Variants in AHDC1 observed in about 807,000 individuals in gnomAD.
The protein encoded by AHDC1 is transcription factor Gibbin.
Under a neutral mutation model 87.9 loss-of-function variants are expected in AHDC1, and 7 were observed. The ratio of observed to expected loss-of-function variants is 0.08; its 90% CI spans 0.05 to 0.15. AHDC1 has a LOEUF of 0.15. Among genes scored for constraint, AHDC1 ranks in the 10% least tolerant of loss-of-function variants. The pLI is 1.00. For missense variants in AHDC1, 1,841 were observed against 2,253.2 expected (o/e 0.82, Z 3.70); for synonymous variants, 1,051 against 1,006.8 (o/e 1.04, Z -0.83).
At chr1:27,583,487 G>A (rs932627036) in intron 3 of AHDC1, among the ~76,000 whole-genome samples, 1 of 152,126 alleles carries the variant, frequency 6.6e-6, no homozygotes, top group Admixed American at 6.5e-5. Flanking sequence ...AACCCACTCG[G>A]GGAGTGTATG....
Position 27,549,284 on chromosome 1 carries a change from G to A in AHDC1, c.2832C>T (p.Phe944=). Residue 944 remains phenylalanine, a synonymous_variant, in exon 8 of 9, where the codon TTC becomes TTT. Transcript: ENST00000673934. The stretch of plus-strand genomic sequence containing the variant: ...CTGAGGGCGGGGGCACCAGCTTGGG[G>A]AAGGTCTCGGCTGCCCGGCAGTCTG... The part of the protein sequence containing the change: ...AASDCRAAET[F]PKLVPPPSAM... 9 of 1,603,192 alleles carry A rather than the reference G, an allele frequency of 5.6e-6. No individual in the cohort carries two copies. Among genetic ancestry groups the A allele is most frequent in the Non-Finnish European group, 7.7e-6 (9 of 1,172,568 alleles).
rs1165831048 is a variant in AHDC1, at chr1:27,547,816, G to A, written c.4300C>T (p.Leu1434=). ...GCCTGGGCTGCAGCTGCGTGGCCCA[G>A]GCTGGCCCCCTGGAGTCCATGCTTG... ...PLKHGLQGAS[L]GHAAAAQAHL... is the part of the protein sequence containing the mutation. The change falls in exon 8 of 9, where the codon CTG becomes TTG. Residue 1434 remains leucine (L), a synonymous_variant. Coordinates refer to ENST00000673934, the MANE Select transcript of AHDC1 (RefSeq NM_001371928.1). This position sits in a 1 kb window ranked among gnomAD's most constrained non-coding sequence, Gnocchi z 4.9. 1 of 1,554,196 alleles carries A rather than the reference G, an allele frequency of 6.4e-7. No individual in the cohort carries two copies.
chr1:27,567,654 C>T (rs986188285), intron 3 of AHDC1, among the ~76,000 whole-genome samples: 1 of 152,192 alleles, frequency 6.6e-6, no homozygotes, highest in Non-Finnish European at 1.5e-5. Context: ...CTCCTCTTTG[C>T]TCAACTTGGA....
chr1:27,546,964 T>C (rs1042764110), intron 8 of AHDC1, among the ~76,000 whole-genome samples: 1 of 152,074 alleles, frequency 6.6e-6, no homozygotes, highest in Non-Finnish European at 1.5e-5. Context: ...AATTGAAAGC[T>C]TAATAAACCA....
intron 3 of AHDC1, among the ~76,000 whole-genome samples, chr1:27,570,429 T>C (rs1250562389): frequency 1.3e-5 from 2 of 151,760 alleles, no homozygotes; most frequent in Admixed American, 1.3e-4. Context: ...ACTGAGGCCA[T>C]GAGGAGTCAG....
chr1:27,554,770 C>T (rs1351761387), intron 5 of AHDC1, among the ~76,000 whole-genome samples: 1 of 152,208 alleles, frequency 6.6e-6, no homozygotes, highest in Non-Finnish European at 1.5e-5. Context: ...TGTCACCCCA[C>T]AGGAAGACTG....
At chr1:27,575,665 C>G (rs1001744788) in intron 3 of AHDC1, among the ~76,000 whole-genome samples, 3 of 151,646 alleles carry the variant, frequency 2.0e-5, no homozygotes, top group African/African-American at 7.3e-5. Flanking sequence ...CGGCCGGCCG[C>G]GCGGCCCGCC....
At position 27,547,414 on chromosome 1, in the gene AHDC1, C is replaced by T; in HGVS notation, c.4702G>A (p.Gly1568Ser). ...CCAGGATGCGCCTGGGGCATAAAGCCTGGGTACCTGTAGGCGGTGTCCTGC... is the reference window on the plus strand; with the variant it reads ...CCAGGATGCGCCTGGGGCATAAAGCTTGGGTACCTGTAGGCGGTGTCCTGC... ...PLQDTAYRYPGFMPQAHPGLG... is the reference protein window; with the variant it reads ...PLQDTAYRYPSFMPQAHPGLG... The change falls in exon 8 of 9, where the codon GGC becomes AGC. Residue 1568 changes from glycine to serine, a missense_variant. Around this residue, in one of 13 missense-constraint regions of AHDC1, gnomAD observed 505 missense variants for 626.2 expected, o/e 0.81. Coordinates refer to ENST00000673934, the MANE Select transcript of AHDC1 (RefSeq NM_001371928.1). This position sits in a 1 kb window ranked among gnomAD's most constrained non-coding sequence, Gnocchi z 4.9. 1 of 1,576,780 alleles carries T rather than the reference C, an allele frequency of 6.3e-7. No individual in the cohort carries two copies. Among genetic ancestry groups the T allele is most frequent in the East Asian group, 2.3e-5 (1 of 44,330 alleles).
chr1:27,551,069 C>A lies in AHDC1; in HGVS notation c.1047G>T (p.Glu349Asp), dbSNP rs112915806. 1 of 1,558,794 alleles carries A rather than the reference C, an allele frequency of 6.4e-7. No homozygotes were observed. Residue 349 changes from glutamate (E) to aspartate (D), a missense_variant, in exon 8 of 9, where the codon GAG becomes GAT. This residue lies in a region of AHDC1 where 370 missense variants were observed against 391.5 expected (regional missense o/e 0.95). Transcript: ENST00000673934. ...KLLDVPGRRL[E>D]PQQPLGHCPL... ...GGCAGTGCCCCAGGGGCTGCTGGGG[C>A]TCCAGACGGCGACCTGGGACGTCAA...
At chr1:27,564,018 G>C (rs2020213777) in intron 3 of AHDC1, among the ~76,000 whole-genome samples, 1 of 152,186 alleles carries the variant, frequency 6.6e-6, no homozygotes, top group African/African-American at 2.4e-5. Flanking sequence ...TGCTCAGTGG[G>C]AAGAGTATGG....
At chr1:27,587,395 G>A (rs575630209) in intron 3 of AHDC1, among the ~76,000 whole-genome samples, 8 of 152,248 alleles carry the variant, frequency 5.3e-5, no homozygotes, top group Admixed American at 1.3e-4. Flanking sequence ...TCTGTCCTAC[G>A]CAGCAACTGG....
chr1:27,543,948 G>C (rs917589288), intron 8 of AHDC1, among the ~76,000 whole-genome samples: 1 of 127,486 alleles, frequency 7.8e-6, no homozygotes, highest in Non-Finnish European at 1.7e-5. Context: ...ATCTCAAAAA[G>C]AAAAAAAAAA....
rs1466488364 is a variant in AHDC1, at chr1:27,552,145, C to A, written c.-30G>T. 2 of 1,431,528 alleles carry A rather than the reference C, an allele frequency of 1.4e-6. No individual in the cohort carries two copies. Among genetic ancestry groups the A allele is most frequent in the African/African-American group, 1.4e-5 (1 of 69,510 alleles). The allele number at this position is 1,431,528 out of a possible 1,614,324, so 88.7% of individuals were successfully genotyped here. ...ACCTTGTCCTCCGCAGGCCGCCGGG[C>A]GGGGCCGGGGCTGACATGAGGGTGC... On this transcript the variant is annotated 5_prime_UTR_variant, in exon 8 of 9. Transcript: ENST00000673934.
chr1:27,582,520 A>G (rs936930977), intron 3 of AHDC1, among the ~76,000 whole-genome samples: 1 of 152,242 alleles, frequency 6.6e-6, no homozygotes, highest in Non-Finnish European at 1.5e-5. Flanking sequence ...TCCTTGGTAC[A>G]TATCACCATC....
At position 27,548,334 on chromosome 1, in the gene AHDC1, G is replaced by A; in HGVS notation, c.3782C>T (p.Pro1261Leu). The change falls in exon 8 of 9, where the codon CCA becomes CTA. Residue 1261 changes from proline (P) to leucine (L), a missense_variant. Pro to Leu is a moderately conservative substitution (Grantham distance 98). Around this residue, in one of 13 missense-constraint regions of AHDC1, gnomAD observed 505 missense variants for 626.2 expected, o/e 0.81. Coordinates refer to ENST00000673934, the MANE Select transcript of AHDC1 (RefSeq NM_001371928.1). ...TSASAAASGY[P>L]SKRSTGPRQP... ...CCGGGGCCCAGTGCTCCGTTTGGATGGGTAGCCTGAGGCAGCGGCAGAGGC... is the reference window on the plus strand; with the variant it reads ...CCGGGGCCCAGTGCTCCGTTTGGATAGGTAGCCTGAGGCAGCGGCAGAGGC... 1 of 1,606,708 alleles carries A rather than the reference G, an allele frequency of 6.2e-7. No individual in the cohort carries two copies. The highest frequency in any genetic ancestry group is 8.5e-7 in the Non-Finnish European group (1 of 1,175,174).
rs2089336738 is a variant in AHDC1, at chr1:27,595,255, A to C, written c.-629+8142T>G. ...TGTTTGGAAAGGTATAGGGGATGAT[A>C]CCGGTGTTTGGGGAAGTGCTGAGCT... On this transcript the variant is annotated intron_variant, in intron 3 of 8. Transcript: ENST00000673934. The surrounding 1 kb of genome is among the most constrained non-coding windows in gnomAD (Gnocchi z 4.0). Among the ~76,000 whole-genome samples the C allele has an allele frequency of 6.6e-6, 1 of 151,308 alleles. No homozygotes were observed. The highest frequency in any genetic ancestry group is 6.6e-5 in the Admixed American group (1 of 15,194).
chr1:27,588,570 C>T (rs945415463), intron 3 of AHDC1, among the ~76,000 whole-genome samples: 7 of 152,144 alleles, frequency 4.6e-5, no homozygotes, highest in African/African-American at 1.7e-4. Flanking sequence ...TAACAAATAC[C>T]GTCAGGGCTA....
In AHDC1 at chr1:27,562,652, T is replaced by C. The variant is rs6703312; in HGVS notation, c.-628-3769A>G. 0.14 allele frequency among the ~76,000 whole-genome samples: 20,704 copies of C among 152,114 alleles called. 2,015 individuals are homozygous for C. Among genetic ancestry groups the C allele is most frequent in the African/African-American group, 0.28 (11,396 of 41,434 alleles). On this transcript the variant is annotated intron_variant, in intron 3 of 8. Coordinates refer to ENST00000673934, the MANE Select transcript of AHDC1 (RefSeq NM_001371928.1). The surrounding 1 kb of genome is among the most constrained non-coding windows in gnomAD (Gnocchi z 4.4). ...CATGCGGGACTGAGCACCCCCCAGC[T>C]CCCACTTGTCCCTCTGCTCAGGGCC... is the stretch of plus-strand genomic sequence containing the variant.
chr1:27,540,894 A>G (rs980916880), intron 8 of AHDC1, among the ~76,000 whole-genome samples: 1 of 151,584 alleles, frequency 6.6e-6, no homozygotes, highest in African/African-American at 2.4e-5. Context: ...AGAGGGAAGG[A>G]AGCAATCAGA....
Sources: gnomAD v4.1 joint callset for allele counts (sites outside exome capture counted in the v4.1 genomes callset) on GRCh38, gnomAD v4.1.1 for gene constraint, gnomAD v4.1.1 regional missense constraint, Gnocchi (gnomAD v3.1) non-coding constraint, MANE v1.5 for transcripts, NCBI Gene and HGNC (gene_info 2026-07-23, HGNC 2026-07-21) for gene names.